NTNG1: variants seen among roughly 807,000 people sequenced by gnomAD.
The protein encoded by NTNG1 is netrin G1.
In NTNG1, 16 loss-of-function variants were observed where a neutral mutation model predicts 54.0. The observed-to-expected ratio is 0.30, with a 90% CI of 0.20 to 0.45. The LOEUF (loss-of-function observed/expected upper bound fraction) is 0.45, where lower values mean the gene tolerates loss of function less well. NTNG1 is among the 20% of genes least tolerant of loss of function. The pLI is 1.00. For missense variants in NTNG1, 530 were observed against 678.7 expected (o/e 0.78, Z 2.43); for synonymous variants, 255 against 263.1 (o/e 0.97, Z 0.30).
chr1:107,395,605 AT>A lies in NTNG1; in HGVS notation c.1060+286del, dbSNP rs916881782. ...TTATAAGTGGATGAGACAGGAGGTG[AT>A]TTTTTTCCTCCCCCAAATTAATTTC... On this transcript the variant is annotated intron_variant, in intron 4 of 7. Coordinates refer to ENST00000370068, the MANE Select transcript of NTNG1 (RefSeq NM_001113226.3). 3.7e-4 allele frequency: 207 copies of A among 560,510 alleles called. 2 individuals are homozygous for A. The highest frequency in any genetic ancestry group is 9.5e-5 in the Non-Finnish European group (29 of 303,796). 34.7% of individuals were successfully genotyped at this position (560,510 alleles called of 1,614,324 possible). A position where few individuals can be genotyped will look rare whatever the true frequency, so the allele number is the denominator to read the frequency against.
At chr1:107,397,336 G>A (rs1014094140) in intron 4 of NTNG1, among the ~76,000 whole-genome samples, 8 of 152,214 alleles carry the variant, frequency 5.3e-5, no homozygotes, top group African/African-American at 1.7e-4. Context: ...CAGATCTGCA[G>A]TGGTCCAGTC....
chr1:107,201,154 G>A (rs1658726238), intron 2 of NTNG1, among the ~76,000 whole-genome samples: 1 of 151,618 alleles, frequency 6.6e-6, no homozygotes, highest in Non-Finnish European at 1.5e-5. Context: ...TGAATGTATA[G>A]TATTAAACTA....
At chr1:107,207,542 G>A (rs1659283901) in intron 2 of NTNG1, among the ~76,000 whole-genome samples, 2 of 152,140 alleles carry the variant, frequency 1.3e-5, no homozygotes, top group Admixed American at 6.5e-5. Flanking sequence ...ATCAACTTCT[G>A]CTACAGAAAG....
chr1:107,423,267 G>A (rs1198824710), intron 5 of NTNG1, among the ~76,000 whole-genome samples: 1 of 152,076 alleles, frequency 6.6e-6, no homozygotes, highest in Non-Finnish European at 1.5e-5. Flanking sequence ...CAATGGGGAT[G>A]TGGGTGGATT....
At chr1:107,351,470 A>G (rs1669595661) in intron 3 of NTNG1, among the ~76,000 whole-genome samples, 1 of 152,184 alleles carries the variant, frequency 6.6e-6, no homozygotes, top group Admixed American at 6.5e-5. Flanking sequence ...CAGGAGCAAG[A>G]CCAAGAAAGA....
chr1:107,272,284 T>C (rs1029684795), intron 2 of NTNG1, among the ~76,000 whole-genome samples: 1 of 152,174 alleles, frequency 6.6e-6, no homozygotes, highest in East Asian at 1.9e-4. Context: ...TAATGTTTTT[T>C]CCATGTGGCA....
intron 2 of NTNG1, among the ~76,000 whole-genome samples, chr1:107,305,087 T>G (rs1329708904): frequency 6.6e-6 from 1 of 152,218 alleles, no homozygotes; most frequent in Non-Finnish European, 1.5e-5. Flanking sequence ...TATGGCTGCA[T>G]AGTATTCCAT....
intron 3 of NTNG1, among the ~76,000 whole-genome samples, chr1:107,346,757 C>A (rs1669264348): frequency 6.6e-6 from 1 of 151,848 alleles, no homozygotes; most frequent in South Asian, 2.1e-4. Flanking sequence ...GCTAATCTTG[C>A]CCCTATAACA....
At chr1:107,309,918 A>C (rs1325379600) in intron 2 of NTNG1, among the ~76,000 whole-genome samples, 2 of 152,186 alleles carry the variant, frequency 1.3e-5, no homozygotes, top group Non-Finnish European at 2.9e-5. Flanking sequence ...ACATCCTTAC[A>C]GACAAACTCC....
chr1:107,208,972 C>T lies in NTNG1; in HGVS notation c.246+60133C>T, dbSNP rs940762371. Among the ~76,000 whole-genome samples, 34 of 152,172 alleles carry T rather than the reference C, an allele frequency of 2.2e-4. 1 individual carries two copies. Among genetic ancestry groups the T allele is most frequent in the East Asian group, 9.7e-4 (5 of 5,158 alleles). On this transcript the variant is annotated intron_variant, in intron 2 of 7. Transcript: ENST00000370068. ...GTAAATACAGCTAGTTAGAAAACAT[C>T]CTTAGTTATCCATTATCCAAACAAA...
intron 7 of NTNG1, among the ~76,000 whole-genome samples, chr1:107,441,199 A>G (rs1008954759): frequency 2.3e-4 from 35 of 151,372 alleles, no homozygotes; most frequent in African/African-American, 8.3e-4. Flanking sequence ...AGTTGTTATC[A>G]GCGCCAAAGT....
chr1:107,376,022 A>G (rs549667252), intron 3 of NTNG1, among the ~76,000 whole-genome samples: 41 of 152,378 alleles, frequency 2.7e-4, no homozygotes, highest in African/African-American at 9.6e-4. Flanking sequence ...AATAATAGTA[A>G]TGATAGTAAT....
intron 2 of NTNG1, among the ~76,000 whole-genome samples, chr1:107,164,788 A>G (rs1655653336): frequency 6.6e-6 from 1 of 152,202 alleles, no homozygotes; most frequent in Non-Finnish European, 1.5e-5. Context: ...TCAGTGCCAC[A>G]AAGAAATAGC....
chr1:107,314,201 G>A (rs1667192887), intron 2 of NTNG1, among the ~76,000 whole-genome samples: 2 of 151,852 alleles, frequency 1.3e-5, no homozygotes, highest in African/African-American at 2.4e-5. Flanking sequence ...TCAGGAGATC[G>A]AGACCATCCT....
At chr1:107,172,176 A>G (rs1353063494) in intron 2 of NTNG1, among the ~76,000 whole-genome samples, 1 of 152,114 alleles carries the variant, frequency 6.6e-6, no homozygotes, top group Non-Finnish European at 1.5e-5. Flanking sequence ...ATTATCCTCG[A>G]AACACTTGAG....
intron 2 of NTNG1, among the ~76,000 whole-genome samples, chr1:107,294,419 A>G (rs1409604605): frequency 3.3e-5 from 5 of 152,140 alleles, no homozygotes; most frequent in Non-Finnish European, 7.4e-5. Flanking sequence ...ATGCCTGTTC[A>G]TTGCCATATG....
chr1:107,172,104 G>A (rs141198181), intron 2 of NTNG1, among the ~76,000 whole-genome samples: 134 of 152,084 alleles, frequency 8.8e-4, no homozygotes, highest in Non-Finnish European at 1.1e-3. Flanking sequence ...ACCTGACTAC[G>A]TATGCCAAGC....
intron 3 of NTNG1, among the ~76,000 whole-genome samples, chr1:107,385,526 A>G (rs987692807): frequency 1.3e-5 from 2 of 151,978 alleles, no homozygotes; most frequent in African/African-American, 4.8e-5. Flanking sequence ...CTAGCTAGAG[A>G]AGGTGTTGAG....
intron 6 of NTNG1, among the ~76,000 whole-genome samples, chr1:107,432,513 A>G (rs894449748): frequency 4.6e-5 from 7 of 152,328 alleles, no homozygotes; most frequent in Admixed American, 2.0e-4. Context: ...CAGAAGTTCA[A>G]TTGTCTTCAT....
Sources: allele counts gnomAD v4.1 joint callset (sites outside exome capture counted in the v4.1 genomes callset), GRCh38; gene constraint gnomAD v4.1.1; transcripts MANE v1.5; gene names NCBI Gene and HGNC (gene_info 2026-07-23, HGNC 2026-07-21).